Variants in SLC39A3 observed in about 807,000 individuals in gnomAD.
The protein encoded by SLC39A3 is zinc transporter ZIP3.
In SLC39A3, 3 loss-of-function variants were observed where a neutral mutation model predicts 5.1. That is an observed-to-expected ratio of 0.59 (90% CI 0.27 to 1.54). SLC39A3 has a LOEUF of 1.54. Among genes scored for constraint, SLC39A3 ranks in the 40% most tolerant of loss-of-function variants. SLC39A3 has a pLI of 0.12. For missense variants in SLC39A3, 412 were observed against 436.4 expected, an observed-to-expected ratio of 0.94 and a Z score of 0.50; for synonymous variants, 250 against 218.8, an observed-to-expected ratio of 1.14 and a Z score of -1.26.
Position 2,735,089 on chromosome 19 carries a change from G to A in SLC39A3, c.211-1604C>T, listed in dbSNP as rs1208810390. On this transcript the variant is annotated intron_variant, in intron 2 of 2. Transcript: ENST00000269740. This position sits in a 1 kb window ranked among gnomAD's most constrained non-coding sequence, Gnocchi z 5.7. Reference sequence around the variant, plus strand: ...GGCCACTGTGATGAGGGGGAGGGAAGAGCAAGCTCCCCGCAGTCGCCCAGG... The same window carrying A: ...GGCCACTGTGATGAGGGGGAGGGAAAAGCAAGCTCCCCGCAGTCGCCCAGG... 6.1e-6 allele frequency: 6 copies of A among 985,272 alleles called. No homozygotes were observed. The highest frequency in any genetic ancestry group is 7.2e-6 in the Non-Finnish European group (6 of 829,844). The allele number at this position is 985,272 out of a possible 1,614,324, so 61.0% of individuals were successfully genotyped here. A position where few individuals can be genotyped will look rare whatever the true frequency, so the allele number is the denominator to read the frequency against.
chr19:2,735,117 T>C lies in SLC39A3; in HGVS notation c.211-1632A>G. Reference sequence around the variant, plus strand: ...CAAGCTCCCCGCAGTCGCCCAGGCCTGCAGTCAGAGGGTGACGGGGGTGAC... The same window carrying C: ...CAAGCTCCCCGCAGTCGCCCAGGCCCGCAGTCAGAGGGTGACGGGGGTGAC... On this transcript the variant is annotated intron_variant, in intron 2 of 2. Transcript: ENST00000269740. This position sits in a 1 kb window ranked among gnomAD's most constrained non-coding sequence, Gnocchi z 5.7. 1 of 985,058 alleles carries C rather than the reference T, an allele frequency of 1.0e-6. No homozygotes were observed. Among genetic ancestry groups the C allele is most frequent in the Non-Finnish European group, 1.2e-6 (1 of 829,852 alleles). The allele number at this position is 985,058 out of a possible 1,614,324, so 61.0% of individuals were successfully genotyped here.
In SLC39A3 at chr19:2,737,397, A is replaced by G; in HGVS notation, c.-122-18T>C. On this transcript the variant is annotated intron_variant, in intron 1 of 2. Transcript: ENST00000269740. ...TCCAGCAACTGTGAACATCAGGGGCACTGCATTAGCTTTCTTTCTTTTTTC... is the reference window on the plus strand; with the variant it reads ...TCCAGCAACTGTGAACATCAGGGGCGCTGCATTAGCTTTCTTTCTTTTTTC... 7.1e-7 allele frequency: 1 copy of G among 1,401,282 alleles called. No individual in the cohort carries two copies. The highest frequency in any genetic ancestry group is 9.5e-7 in the Non-Finnish European group (1 of 1,056,974). The allele number at this position is 1,401,282 out of a possible 1,614,324, so 86.8% of individuals were successfully genotyped here.
chr19:2,736,705 CA>C, intron 2 of SLC39A3: 1 of 1,395,362 alleles, frequency 7.2e-7, no homozygotes, highest in South Asian at 1.6e-5. Flanking sequence ...ATTTGTTACG[CA>C]ACAGTAGCTG....
Position 2,733,291 on chromosome 19 carries a change from G to A in SLC39A3, c.405C>T (p.Ser135=), listed in dbSNP as rs1443573806. 1 of 1,612,932 alleles carries A rather than the reference G, an allele frequency of 6.2e-7. No individual in the cohort carries two copies. The highest frequency in any genetic ancestry group is 8.5e-7 in the Non-Finnish European group (1 of 1,179,998). The stretch of plus-strand genomic sequence containing the variant: ...GGCCCCGCGCGCCCCCCATGAAGGG[G>A]CTCTCATACTCCGAGTCGCTGCCCA... ...SDVGSDSEYE[S]PFMGGARGHA... The change falls in exon 3 of 3, where the codon AGC becomes AGT. Residue 135 remains serine, a synonymous_variant. Coordinates refer to ENST00000269740, the MANE Select transcript of SLC39A3 (RefSeq NM_144564.5). The surrounding 1 kb of genome is among the most constrained non-coding windows in gnomAD (Gnocchi z 6.1).
At position 2,737,414 on chromosome 19, in the gene SLC39A3, T is replaced by C. The variant is rs1443031564; in HGVS notation, c.-122-35A>G. On this transcript the variant is annotated intron_variant, in intron 1 of 2. Transcript: ENST00000269740. ...TCAGGGGCACTGCATTAGCTTTCTT[T>C]CTTTTTTCTTTTTTTTTTTTTAGAC... is the stretch of plus-strand genomic sequence containing the variant. 4 of 1,353,774 alleles carry C rather than the reference T, an allele frequency of 3.0e-6. No individual in the cohort carries two copies. The African/African-American group carries it at 4.4e-5, about 15-fold the overall frequency. 83.9% of individuals were successfully genotyped at this position (1,353,774 alleles called of 1,614,324 possible).
intron 2 of SLC39A3, chr19:2,736,593 G>A (rs1268353611): frequency 1.2e-5 from 6 of 496,080 alleles, no homozygotes; most frequent in Non-Finnish European, 1.8e-5. Flanking sequence ...GAGACACTGT[G>A]ACTGCTGCCT....
intron 1 of SLC39A3, among the ~76,000 whole-genome samples, chr19:2,739,642 C>G (rs1340079123): frequency 6.6e-6 from 1 of 152,216 alleles, no homozygotes; most frequent in African/African-American, 2.4e-5. Context: ...GCACCCAGCG[C>G]AGAGCCACCC....
At chr19:2,738,199 CAAA>C (rs781639261) in intron 1 of SLC39A3, among the ~76,000 whole-genome samples, 1 of 50,902 alleles carries the variant, frequency 2.0e-5, no homozygotes. Context: ...AACTCCATCT[CAAA>C]AAAAAAAAAA....
At chr19:2,738,749 C>T (rs371045713) in intron 1 of SLC39A3, among the ~76,000 whole-genome samples, 3 of 151,940 alleles carry the variant, frequency 2.0e-5, no homozygotes, top group South Asian at 4.2e-4. Flanking sequence ...CCAGCCTGGC[C>T]AACACAGTGA....
Position 2,733,225 on chromosome 19 carries a change from C to T in SLC39A3, c.471G>A (p.Leu157=). 1.9e-6 allele frequency: 3 copies of T among 1,606,956 alleles called. No homozygotes were observed. Among genetic ancestry groups the T allele is most frequent in the Middle Eastern group, 1.7e-4 (1 of 6,040 alleles). The change falls in exon 3 of 3, where the codon CTG becomes CTA. Residue 157 remains leucine, a synonymous_variant. Transcript: ENST00000269740. This position sits in a 1 kb window ranked among gnomAD's most constrained non-coding sequence, Gnocchi z 6.1. ...TGGCGCGCGAGAGGCCCTGCACGCT[C>T]AGGCTGGGGCCGTGGCCGTGGGGCT... ...YVEPHGHGPS[L]SVQGLSRASP...
Position 2,732,631 on chromosome 19 carries a change from A to G in SLC39A3, c.*120T>C. ...CCTGGTCCCGGGAGGCCCCTTGTGC[A>G]CAGGTGGTGGCCCAGGGCCACAGTG... On this transcript the variant is annotated 3_prime_UTR_variant, in exon 3 of 3. Coordinates refer to ENST00000269740, the MANE Select transcript of SLC39A3 (RefSeq NM_144564.5). The G allele has an allele frequency of 7.0e-7, 1 of 1,428,282 alleles. No homozygotes were observed. Among genetic ancestry groups the G allele is most frequent in the South Asian group, 1.5e-5 (1 of 65,122 alleles). The allele number at this position is 1,428,282 out of a possible 1,614,324, so 88.5% of individuals were successfully genotyped here.
rs1038502367 is a variant in SLC39A3 at position 2,732,680 on chromosome 19, C to T, written c.*71G>A. Reference sequence around the variant, plus strand: ...TGCTCGCTCTTGGGGGACGCGCGGCCGGGGGACGCGGCCTGTGTCCGGCCC... The same window carrying T: ...TGCTCGCTCTTGGGGGACGCGCGGCTGGGGGACGCGGCCTGTGTCCGGCCC... On this transcript the variant is annotated 3_prime_UTR_variant, in exon 3 of 3. Transcript: ENST00000269740. 6.2e-5 allele frequency: 90 copies of T among 1,445,870 alleles called. No individual in the cohort carries two copies. The highest frequency in any genetic ancestry group is 2.4e-4 in the Middle Eastern group (1 of 4,108). 89.6% of individuals were successfully genotyped at this position (1,445,870 alleles called of 1,614,324 possible). A position where few individuals can be genotyped will look rare whatever the true frequency, so the allele number is the denominator to read the frequency against.
chr19:2,736,806 G>A (rs1221606666), intron 2 of SLC39A3: 5 of 1,456,392 alleles, frequency 3.4e-6, no homozygotes, highest in Non-Finnish European at 4.5e-6. Flanking sequence ...TGATTATCAG[G>A]TGACAACCGA....
chr19:2,732,653 A>G lies in SLC39A3; in HGVS notation c.*98T>C, dbSNP rs1425818115. 3.5e-6 allele frequency: 5 copies of G among 1,420,628 alleles called. No individual in the cohort carries two copies. Among genetic ancestry groups the G allele is most frequent in the Non-Finnish European group, 4.6e-6 (5 of 1,087,570 alleles). 88.0% of individuals were successfully genotyped at this position (1,420,628 alleles called of 1,614,324 possible). ...TGCACAGGTGGTGGCCCAGGGCCAC[A>G]GTGCTCGCTCTTGGGGGACGCGCGG... On this transcript the variant is annotated 3_prime_UTR_variant, in exon 3 of 3. Coordinates refer to ENST00000269740, the MANE Select transcript of SLC39A3 (RefSeq NM_144564.5).
chr19:2,732,720 G>A lies in SLC39A3; in HGVS notation c.*31C>T. On this transcript the variant is annotated 3_prime_UTR_variant, in exon 3 of 3. Transcript: ENST00000269740. Reference sequence around the variant, plus strand: ...GTGTCCGGCCCGGGGCTCCCGGCGGGCTCCGGCGGCAGGGACAATGGCGAG... The same window carrying A: ...GTGTCCGGCCCGGGGCTCCCGGCGGACTCCGGCGGCAGGGACAATGGCGAG... 2.0e-6 allele frequency: 3 copies of A among 1,513,004 alleles called. No individual in the cohort carries two copies. The highest frequency in any genetic ancestry group is 1.3e-5 in the South Asian group (1 of 75,144). The allele number at this position is 1,513,004 out of a possible 1,614,324, so 93.7% of individuals were successfully genotyped here.
intron 1 of SLC39A3, among the ~76,000 whole-genome samples, chr19:2,738,764 C>A (rs1292348663): frequency 6.6e-6 from 1 of 152,088 alleles, no homozygotes; most frequent in East Asian, 1.9e-4. Context: ...CAGTGAAACA[C>A]TGTCTCTACT....
At position 2,732,620 on chromosome 19, in the gene SLC39A3, G is replaced by C. The variant is rs993093624; in HGVS notation, c.*131C>G. 12 of 1,383,788 alleles carry C rather than the reference G, an allele frequency of 8.7e-6. No individual in the cohort carries two copies. The African/African-American group carries it at 1.5e-4, about 17-fold the overall frequency. The allele number at this position is 1,383,788 out of a possible 1,614,324, so 85.7% of individuals were successfully genotyped here. ...CGGGGGCACAGCCTGGTCCCGGGAG[G>C]CCCCTTGTGCACAGGTGGTGGCCCA... On this transcript the variant is annotated 3_prime_UTR_variant, in exon 3 of 3. Transcript: ENST00000269740.
Position 2,732,896 on chromosome 19 carries a change from C to T in SLC39A3, c.800G>A (p.Gly267Asp). ...GAAGAGGAAGGTGCCGCCCGCCAGG[C>T]CCTGCAGCAGCACGGACGCCACGCT... ...PGSVASVLLQ[G>D]LAGGTFLFIT... The change falls in exon 3 of 3, where the codon GGC becomes GAC. Residue 267 changes from glycine (G) to aspartate (D), a missense_variant. Transcript: ENST00000269740. 6.2e-7 allele frequency: 1 copy of T among 1,611,898 alleles called. No individual in the cohort carries two copies. The highest frequency in any genetic ancestry group is 8.5e-7 in the Non-Finnish European group (1 of 1,179,392).
At chr19:2,738,391 C>G (rs923587860) in intron 1 of SLC39A3, among the ~76,000 whole-genome samples, 1 of 151,954 alleles carries the variant, frequency 6.6e-6, no homozygotes, top group Non-Finnish European at 1.5e-5. Flanking sequence ...CTTCCCCATG[C>G]CCCGAAATAA....
Sources: allele counts gnomAD v4.1 joint callset (sites outside exome capture counted in the v4.1 genomes callset), GRCh38; gene constraint gnomAD v4.1.1; non-coding constraint Gnocchi (gnomAD v3.1); transcripts MANE v1.5; gene names NCBI Gene and HGNC (gene_info 2026-07-23, HGNC 2026-07-21).